OSBPL9: variants seen among roughly 807,000 people sequenced by gnomAD.
The protein encoded by OSBPL9 is oxysterol binding protein like 9.
OSBPL9 carries 40 observed loss-of-function variants against 106.6 expected under a neutral mutation model. That is an observed-to-expected ratio of 0.38 (90% CI 0.29 to 0.49). The LOEUF (loss-of-function observed/expected upper bound fraction) is 0.49. OSBPL9 is among the 20% of genes least tolerant of loss of function. The pLI is 0.97. For synonymous variants in OSBPL9, 269 were observed against 295.4 expected (o/e 0.91, Z 0.92); for missense variants, 609 against 887.2 (o/e 0.69, Z 3.98).
intron 7 of OSBPL9, 89 bp from the exon 8 acceptor site, chr1:51,750,056 A>C (rs1668920962): frequency 1.1e-6 from 1 of 927,126 alleles, no homozygotes; most frequent in Admixed American, 2.5e-5. Context: ...AACTCTATAC[A>C]TCTGAACTGA....
intron 1 of OSBPL9, among the ~76,000 whole-genome samples, chr1:51,585,990 T>C (rs2148600134): frequency 6.6e-6 from 1 of 151,706 alleles, no homozygotes; most frequent in South Asian, 2.1e-4. Context: ...CTGGCCAACG[T>C]AGCAAAACCC....
At chr1:51,703,240 C>G (rs1006723830) in intron 3 of OSBPL9, among the ~76,000 whole-genome samples, 1 of 152,142 alleles carries the variant, frequency 6.6e-6, no homozygotes, top group African/African-American at 2.4e-5. Context: ...GGCAGTGTGG[C>G]CATTTTCACG....
Position 51,669,891 on chromosome 1 carries a change from G to A in OSBPL9, c.241+379G>A, listed in dbSNP as rs1317942167. On this transcript the variant is annotated intron_variant, in intron 3 of 23. Transcript: ENST00000428468. Reference sequence around the variant, plus strand: ...CTAAAGACTGATTGTGAAGGTTGCAGTGTTTGTCTGTGTAAAACTCAAAAT... The same window carrying A: ...CTAAAGACTGATTGTGAAGGTTGCAATGTTTGTCTGTGTAAAACTCAAAAT... 1.4e-5 allele frequency: 6 copies of A among 442,084 alleles called. No individual in the cohort carries two copies. The East Asian group carries it at 3.4e-4, about 25-fold the overall frequency. The allele number at this position is 442,084 out of a possible 1,614,324, so 27.4% of individuals were successfully genotyped here.
At chr1:51,686,978 G>C (rs934965214) in intron 3 of OSBPL9, among the ~76,000 whole-genome samples, 1 of 152,246 alleles carries the variant, frequency 6.6e-6, no homozygotes, top group African/African-American at 2.4e-5. Flanking sequence ...GGATGCCAAT[G>C]CTGACTCTAT....
intron 3 of OSBPL9, among the ~76,000 whole-genome samples, chr1:51,684,093 A>G (rs1653221494): frequency 1.3e-5 from 2 of 152,084 alleles, no homozygotes; most frequent in Admixed American, 1.3e-4. Flanking sequence ...AACCCCCAAC[A>G]CCTGGCCTCA....
At chr1:51,783,352 T>A (rs865863549) in intron 17 of OSBPL9, among the ~76,000 whole-genome samples, 61 of 148,602 alleles carry the variant, frequency 4.1e-4, no homozygotes, top group African/African-American at 1.2e-3. Context: ...TTTTCTTATT[T>A]TTTTTTTTTT....
chr1:51,772,298 G>T, intron 13 of OSBPL9, 116 bp downstream of exon 13: 2 of 812,024 alleles, frequency 2.5e-6, no homozygotes, highest in Non-Finnish European at 3.9e-6. Context: ...GATCACTTGA[G>T]GTCCGGAGTT....
chr1:51,661,713 TAAC>T (rs931818413), intron 2 of OSBPL9, among the ~76,000 whole-genome samples: 2 of 152,300 alleles, frequency 1.3e-5, no homozygotes, highest in Non-Finnish European at 2.9e-5. Context: ...TAACTTTTCT[TAAC>T]AACAGAACAC....
chr1:51,701,606 T>C (rs1217630324), intron 3 of OSBPL9, among the ~76,000 whole-genome samples: 1 of 152,208 alleles, frequency 6.6e-6, no homozygotes, highest in African/African-American at 2.4e-5. Context: ...GTTCTTTTTT[T>C]TTGGCCTATC....
At chr1:51,780,083 G>GAA (rs551088535) in intron 15 of OSBPL9, among the ~76,000 whole-genome samples, 1 of 75,536 alleles carries the variant, frequency 1.3e-5, no homozygotes, top group Non-Finnish European at 2.8e-5. Flanking sequence ...ATCTCAAAAA[G>GAA]AAAAAAAAAA....
chr1:51,779,098 T>G (rs867872129), intron 15 of OSBPL9, among the ~76,000 whole-genome samples: 1 of 152,192 alleles, frequency 6.6e-6, no homozygotes, highest in Non-Finnish European at 1.5e-5. Flanking sequence ...AAGGGAGATA[T>G]GGAAACTTTC....
chr1:51,530,103 G>A, the OSBPL9 span, among the ~76,000 whole-genome samples: 2 of 143,158 alleles, frequency 1.4e-5, no homozygotes, highest in Non-Finnish European at 3.0e-5. Context: ...CCTGGGAGGC[G>A]GAGCTTGCAG....
chr1:51,609,300 CT>C (rs1643969291), intron 2 of OSBPL9, among the ~76,000 whole-genome samples: 1 of 151,506 alleles, frequency 6.6e-6, no homozygotes, highest in African/African-American at 2.4e-5. Context: ...TCCACATTCC[CT>C]GATCTCAATG....
intron 12 of OSBPL9, among the ~76,000 whole-genome samples, chr1:51,771,000 G>GT (rs1286143157): frequency 1.3e-5 from 2 of 152,132 alleles, no homozygotes; most frequent in African/African-American, 4.8e-5. Flanking sequence ...CTCATTGGTT[G>GT]TAAGAAATAT....
At chr1:51,600,542 T>G (rs1218803784) in intron 2 of OSBPL9, among the ~76,000 whole-genome samples, 1 of 152,320 alleles carries the variant, frequency 6.6e-6, no homozygotes, top group Admixed American at 6.5e-5. Context: ...TTTCTTCTGG[T>G]TTTAAAAGAA....
At chr1:51,579,856 AAAT>A (rs34556128) in intron 1 of OSBPL9, among the ~76,000 whole-genome samples, 113 of 143,814 alleles carry the variant, frequency 7.9e-4, no homozygotes, top group African/African-American at 1.2e-3. Context: ...CTCTGTCTCA[AAAT>A]AATAATAATA....
At chr1:51,716,289 A>G (rs547218450) in intron 4 of OSBPL9, among the ~76,000 whole-genome samples, 1 of 152,334 alleles carries the variant, frequency 6.6e-6, no homozygotes, top group African/African-American at 2.4e-5. Context: ...AAGTGTGGTA[A>G]AGAACTTCAC....
the OSBPL9 span, among the ~76,000 whole-genome samples, chr1:51,570,526 C>T: frequency 6.6e-6 from 1 of 152,134 alleles, no homozygotes. Flanking sequence ...GCAGACCAAG[C>T]CCCAGGGAGG....
At chr1:51,518,356 A>G in the OSBPL9 span, 1 of 152,760 alleles carries the variant, frequency 6.5e-6, no homozygotes, top group East Asian at 1.9e-4. Flanking sequence ...ATTCCCCCCA[A>G]GAAAAGTGCT....
Sources: allele counts gnomAD v4.1 joint callset (sites outside exome capture counted in the v4.1 genomes callset), GRCh38; gene constraint gnomAD v4.1.1; transcripts MANE v1.5; gene names NCBI Gene and HGNC (gene_info 2026-07-23, HGNC 2026-07-21).